Variants in PDE8B observed in about 807,000 individuals in gnomAD.
The protein encoded by PDE8B is phosphodiesterase 8B.
Under a neutral mutation model 101.3 loss-of-function variants are expected in PDE8B, and 26 were observed. That is an observed-to-expected ratio of 0.26 (90% CI 0.19 to 0.36). The LOEUF (loss-of-function observed/expected upper bound fraction) is 0.36, where lower values mean the gene tolerates loss of function less well. Among genes scored for constraint, PDE8B ranks in the 10% least tolerant of loss-of-function variants. The pLI, the probability that PDE8B is intolerant of heterozygous loss-of-function variation, is 1.00. For synonymous variants in PDE8B, 424 were observed against 429.3 expected, an observed-to-expected ratio of 0.99 and a Z score of 0.15; for missense variants, 810 against 1,163.1, an observed-to-expected ratio of 0.70 and a Z score of 4.42.
chr5:77,114,451 A>G, the PDE8B span: 1 of 152,134 alleles, frequency 6.6e-6, no homozygotes, highest in South Asian at 2.1e-4. Context: ...CATAGGTGGG[A>G]GTTGAACAAT....
chr5:77,286,199 A>C (rs761232817), intron 1 of PDE8B, among the ~76,000 whole-genome samples: 9 of 152,198 alleles, frequency 5.9e-5, no homozygotes, highest in Admixed American at 1.3e-4. Context: ...CAGTGTAAAC[A>C]TGATGTCACC....
At chr5:77,293,605 C>T (rs1409298636) in intron 1 of PDE8B, among the ~76,000 whole-genome samples, 1 of 152,186 alleles carries the variant, frequency 6.6e-6, no homozygotes, top group South Asian at 2.1e-4. Context: ...CATTTATTAG[C>T]TTGTATATCA....
chr5:77,264,038 C>T (rs140593189), intron 1 of PDE8B, among the ~76,000 whole-genome samples: 8 of 152,276 alleles, frequency 5.3e-5, no homozygotes, highest in East Asian at 1.9e-4. Flanking sequence ...TCATGCAGTA[C>T]GTGCGTCTTT....
intron 17 of PDE8B, among the ~76,000 whole-genome samples, chr5:77,417,996 A>G (rs894806835): frequency 1.3e-5 from 2 of 152,190 alleles, no homozygotes; most frequent in Admixed American, 6.6e-5. Context: ...TGGAGAATGA[A>G]TTAAGCGTCT....
intron 6 of PDE8B, among the ~76,000 whole-genome samples, chr5:77,341,454 T>C (rs1779191269): frequency 6.6e-6 from 1 of 152,234 alleles, no homozygotes; most frequent in African/African-American, 2.4e-5. Flanking sequence ...ACCTCTTGAA[T>C]TGATGAAAAT....
chr5:77,319,929 A>T (rs762617082), intron 2 of PDE8B, among the ~76,000 whole-genome samples: 1 of 152,124 alleles, frequency 6.6e-6, no homozygotes. Flanking sequence ...AAATTTTTTT[A>T]AATACATAAA....
intron 1 of PDE8B, among the ~76,000 whole-genome samples, chr5:77,241,650 A>T (rs1755784067): frequency 6.6e-6 from 1 of 152,184 alleles, no homozygotes; most frequent in African/African-American, 2.4e-5. Flanking sequence ...GATGAGGCCA[A>T]GTCTGGGTGC....
the PDE8B span, among the ~76,000 whole-genome samples, chr5:77,104,167 C>T: frequency 6.6e-6 from 1 of 152,096 alleles, no homozygotes; most frequent in African/African-American, 2.4e-5. Context: ...TACCTGTATC[C>T]CAGGCTTCCC....
chr5:77,423,659 T>A (rs1277109806), intron 20 of PDE8B, among the ~76,000 whole-genome samples: 9 of 102,360 alleles, frequency 8.8e-5, no homozygotes, highest in South Asian at 3.5e-4. Flanking sequence ...TTTTTTTTTT[T>A]GAGACAGTCT....
At chr5:77,407,300 G>T in intron 12 of PDE8B, 81 bp from the exon 13 acceptor site, 1 of 1,021,684 alleles carries the variant, frequency 9.8e-7, no homozygotes, top group South Asian at 1.3e-5. Flanking sequence ...AGCGGGCCCT[G>T]GTCCATGAAG....
intron 2 of PDE8B, among the ~76,000 whole-genome samples, chr5:77,318,896 A>G (rs1774416785): frequency 6.6e-6 from 1 of 152,230 alleles, no homozygotes; most frequent in Admixed American, 6.5e-5. Context: ...ACACATAGAT[A>G]CACCCTCATT....
chr5:77,178,307 T>C, the PDE8B span, among the ~76,000 whole-genome samples: 11 of 152,350 alleles, frequency 7.2e-5, no homozygotes, highest in African/African-American at 2.6e-4. Context: ...TTAACCTGGG[T>C]CAATGTACCC....
At position 77,340,309 on chromosome 5, in the gene PDE8B, C is replaced by T. The variant is rs145302367; in HGVS notation, c.797+2994C>T. ...GTATTCTGTGGAACACCACATCTCT[C>T]AGTATTAACAGACATTTGTAGAGCA... On this transcript the variant is annotated intron_variant, in intron 6 of 21. Transcript: ENST00000264917. Among the ~76,000 whole-genome samples the T allele has an allele frequency of 2.5e-3, 375 of 152,300 alleles. 3 individuals are homozygous for T. Among genetic ancestry groups the T allele is most frequent in the South Asian group, 1.0e-2 (48 of 4,822 alleles).
chr5:77,243,315 A>C (rs1197965373), intron 1 of PDE8B, among the ~76,000 whole-genome samples: 2 of 152,310 alleles, frequency 1.3e-5, no homozygotes, highest in Admixed American at 6.5e-5. Context: ...AGGAGTTAGC[A>C]TTGCATTTTT....
chr5:77,169,509 C>T, the PDE8B span, among the ~76,000 whole-genome samples: 1 of 152,070 alleles, frequency 6.6e-6, no homozygotes, highest in African/African-American at 2.4e-5. Context: ...GAACTACTGG[C>T]CTAAATGGCA....
chr5:77,325,455 C>T (rs1775870897), intron 2 of PDE8B, 84 bp from the exon 3 acceptor site: 2 of 1,220,760 alleles, frequency 1.6e-6, no homozygotes, highest in East Asian at 4.6e-5. Flanking sequence ...AGGCATGAGC[C>T]ACTGCGCCTG....
chr5:77,195,862 G>A, the PDE8B span, among the ~76,000 whole-genome samples: 15 of 152,272 alleles, frequency 9.9e-5, no homozygotes, highest in African/African-American at 2.9e-4. Flanking sequence ...AGTAAACAGA[G>A]GACAAGGAAG....
At chr5:77,111,512 G>A in the PDE8B span, among the ~76,000 whole-genome samples, 8 of 152,170 alleles carry the variant, frequency 5.3e-5, no homozygotes, top group Admixed American at 1.3e-4. Flanking sequence ...GAAAGCAATT[G>A]AGGGAAAAAG....
chr5:77,269,678 C>T (rs772158017), intron 1 of PDE8B, among the ~76,000 whole-genome samples: 2 of 152,112 alleles, frequency 1.3e-5, no homozygotes, highest in Non-Finnish European at 2.9e-5. Context: ...GTTCTAGTTC[C>T]ATTCTTCTGT....
Sources: gnomAD v4.1 joint callset for allele counts (sites outside exome capture counted in the v4.1 genomes callset) on GRCh38, gnomAD v4.1.1 for gene constraint, MANE v1.5 for transcripts, NCBI Gene and HGNC (gene_info 2026-07-23, HGNC 2026-07-21) for gene names.